Variants in ARID4B observed in about 807,000 individuals in gnomAD.
ARID4B encodes AT-rich interactive domain-containing protein 4B.
ARID4B carries 26 observed loss-of-function variants against 147.5 expected under a neutral mutation model. The ratio of observed to expected loss-of-function variants is 0.18; its 90% CI spans 0.13 to 0.24. ARID4B has a LOEUF of 0.24. Among genes scored for constraint, ARID4B ranks in the 10% least tolerant of loss-of-function variants. The pLI is 1.00. For synonymous variants in ARID4B, 512 were observed against 507.9 expected, an observed-to-expected ratio of 1.01 and a Z score of -0.11; for missense variants, 1,179 against 1,511.5, an observed-to-expected ratio of 0.78 and a Z score of 3.65.
chr1:235,203,886 T>C (rs531800923), intron 17 of ARID4B, among the ~76,000 whole-genome samples: 13 of 152,316 alleles, frequency 8.5e-5, no homozygotes, highest in Non-Finnish European at 1.8e-4. Flanking sequence ...TTACCTACTT[T>C]ATGAATTTTA....
intron 8 of ARID4B, among the ~76,000 whole-genome samples, chr1:235,236,833 A>AAATATATATATATATATATATAT (rs1175189621): frequency 3.0e-5 from 1 of 33,522 alleles, no homozygotes; most frequent in Non-Finnish European, 4.7e-5. Context: ...TTTTATAAAA[A>AAATATATATATATATATATATAT]ATATATATAT....
intron 6 of ARID4B, among the ~76,000 whole-genome samples, chr1:235,252,493 C>T (rs1394247390): frequency 6.6e-6 from 1 of 151,972 alleles, no homozygotes; most frequent in African/African-American, 2.4e-5. Flanking sequence ...ATAATTAAAG[C>T]CCATTGTATT....
At position 235,224,953 on chromosome 1, in the gene ARID4B, A is replaced by T. The variant is rs368387250; in HGVS notation, c.898-178T>A. On this transcript the variant is annotated intron_variant, in intron 11 of 23. Transcript: ENST00000264183. ...AAAACCAGGTAAGTCTAGACATTTT[A>T]TGTTTTATAGAGGAATATGCCTTAA... Among the ~76,000 whole-genome samples the T allele has an allele frequency of 1.4e-4, 21 of 152,326 alleles. No individual in the cohort carries two copies. In the East Asian group the frequency reaches 3.3e-3, roughly 24 times the overall value.
intron 2 of ARID4B, among the ~76,000 whole-genome samples, chr1:235,288,742 G>A (rs1194120350): frequency 2.0e-5 from 3 of 152,294 alleles, no homozygotes; most frequent in South Asian, 4.1e-4. Flanking sequence ...TCAAAAGGGA[G>A]CACAAAGAAC....
Position 235,182,800 on chromosome 1 carries a change from A to G in ARID4B, c.2126-7T>C, listed in dbSNP as rs1664407411. 2.6e-6 allele frequency: 4 copies of G among 1,568,362 alleles called. No individual in the cohort carries two copies. Among genetic ancestry groups the G allele is most frequent in the Non-Finnish European group, 8.6e-7 (1 of 1,162,830 alleles). On this transcript the variant is annotated splice_region_variant and splice_polypyrimidine_tract_variant and intron_variant, in intron 19 of 23. Transcript: ENST00000264183. Reference sequence around the variant, plus strand: ...TCAGCAGAACTTTCAGAAGCTAGAAAATAACAGAAAAAAAAATGATGAGTA... The same window carrying G: ...TCAGCAGAACTTTCAGAAGCTAGAAGATAACAGAAAAAAAAATGATGAGTA...
rs777419999 is a variant in ARID4B, at chr1:235,172,706, T to C, written c.3723A>G (p.Gln1241=). The C allele has an allele frequency of 1.9e-6, 3 of 1,607,460 alleles. No individual in the cohort carries two copies. Among genetic ancestry groups the C allele is most frequent in the East Asian group, 2.2e-5 (1 of 44,526 alleles). The change falls in exon 23 of 24, where the codon CAA becomes CAG. Residue 1241 remains glutamine, a synonymous_variant. Coordinates refer to ENST00000264183, the MANE Select transcript of ARID4B (RefSeq NM_016374.6). ...ERITILQEKL[Q]EIRKHYLSLK... ...ATGACAGATAATGTTTTCTGATTTCTTGAAGTTTTTCTTGAAGAATTGTGA... is the reference window on the plus strand; with the variant it reads ...ATGACAGATAATGTTTTCTGATTTCCTGAAGTTTTTCTTGAAGAATTGTGA...
intron 11 of ARID4B, among the ~76,000 whole-genome samples, chr1:235,226,880 A>G (rs1272287909): frequency 2.6e-5 from 4 of 151,512 alleles, no homozygotes. Flanking sequence ...TGTTGGCCAG[A>G]CTGGTCTCAA....
chr1:235,266,691 A>T (rs1410662200), intron 2 of ARID4B, among the ~76,000 whole-genome samples: 1 of 152,248 alleles, frequency 6.6e-6, no homozygotes, highest in Non-Finnish European at 1.5e-5. Flanking sequence ...AAGGAAGCAC[A>T]GAAGTGCACA....
chr1:235,167,522 A>G lies in ARID4B; in HGVS notation c.*1003T>C, dbSNP rs911534249. ...TATAGGCCTACCACCCCCATTAGCT[A>G]TTTATATTTAAAATAACCACCATCC... On this transcript the variant is annotated 3_prime_UTR_variant, in exon 24 of 24. Coordinates refer to ENST00000264183, the MANE Select transcript of ARID4B (RefSeq NM_016374.6). The G allele has an allele frequency of 1.8e-5, 4 of 221,782 alleles. No individual in the cohort carries two copies. The highest frequency in any genetic ancestry group is 8.9e-5 in the African/African-American group (4 of 44,694). 13.7% of individuals were successfully genotyped at this position (221,782 alleles called of 1,614,324 possible).
chr1:235,208,091 A>G (rs1390117844), intron 17 of ARID4B, among the ~76,000 whole-genome samples: 4 of 152,224 alleles, frequency 2.6e-5, no homozygotes, highest in Non-Finnish European at 5.9e-5. Flanking sequence ...TGATTACAGA[A>G]AGCCAAGTTG....
chr1:235,193,123 T>C (rs1042859285), intron 19 of ARID4B, among the ~76,000 whole-genome samples: 2 of 148,220 alleles, frequency 1.3e-5, no homozygotes, highest in Non-Finnish European at 3.0e-5. Context: ...TCAGTCCAGG[T>C]GCAGTGGCTC....
rs1306794103 is a variant in ARID4B, at chr1:235,220,457, T to C, written c.1252A>G (p.Lys418Glu). 1 of 1,612,946 alleles carries C rather than the reference T, an allele frequency of 6.2e-7. No individual in the cohort carries two copies. Among genetic ancestry groups the C allele is most frequent in the Admixed American group, 1.7e-5 (1 of 60,004 alleles). Reference sequence around the variant, plus strand: ...ATTTCTTTTACATTTTCACACTCCTTACATTGCTTGTTAACAACTTTCTCT... The same window carrying C: ...ATTTCTTTTACATTTTCACACTCCTCACATTGCTTGTTAACAACTTTCTCT... ...LPEKVVNKQC[K>E]ECENVKEIKV... is the part of the protein sequence containing the mutation. Residue 418 changes from lysine (K) to glutamate (E), a missense_variant, in exon 15 of 24, where the codon AAG becomes GAG. Physicochemically the swap from Lys to Glu is moderately conservative, Grantham distance 56. This residue lies in a region of ARID4B where 204 missense variants were observed against 210.9 expected (regional missense o/e 0.97). Coordinates refer to ENST00000264183, the MANE Select transcript of ARID4B (RefSeq NM_016374.6).
At chr1:235,209,808 C>G (rs1386437966) in intron 17 of ARID4B, among the ~76,000 whole-genome samples, 1 of 152,088 alleles carries the variant, frequency 6.6e-6, no homozygotes, top group Non-Finnish European at 1.5e-5. Context: ...AGGTGATCTG[C>G]CCGCCTCGGC....
chr1:235,323,442 T>C (rs1406720740), intron 2 of ARID4B, among the ~76,000 whole-genome samples: 1 of 152,026 alleles, frequency 6.6e-6, no homozygotes, highest in Non-Finnish European at 1.5e-5. Context: ...TAAAAGACGT[T>C]AATAACATGT....
intron 3 of ARID4B, among the ~76,000 whole-genome samples, chr1:235,257,470 ATT>A (rs759583270): frequency 2.8e-5 from 4 of 144,526 alleles, no homozygotes; most frequent in Non-Finnish European, 1.5e-5. Flanking sequence ...TCCACATGTC[ATT>A]TTTTTTTTTT....
intron 10 of ARID4B, among the ~76,000 whole-genome samples, chr1:235,230,732 G>A (rs1338108061): frequency 6.6e-6 from 1 of 151,870 alleles, no homozygotes; most frequent in South Asian, 2.1e-4. Context: ...GACCGGCCTG[G>A]GCAACACGGT....
chr1:235,171,141 C>T (rs935417670), intron 23 of ARID4B, among the ~76,000 whole-genome samples: 6 of 151,920 alleles, frequency 3.9e-5, no homozygotes, highest in Admixed American at 3.9e-4. Flanking sequence ...AAGAATGATA[C>T]CTTATTTGGG....
intron 11 of ARID4B, among the ~76,000 whole-genome samples, chr1:235,226,739 G>C (rs1321955265): frequency 6.6e-6 from 1 of 152,154 alleles, no homozygotes; most frequent in Non-Finnish European, 1.5e-5. Flanking sequence ...AGCCAGGATG[G>C]TCTCGATCTC....
chr1:235,262,654 G>A (rs1670362307), intron 2 of ARID4B, among the ~76,000 whole-genome samples: 1 of 152,022 alleles, frequency 6.6e-6, no homozygotes, highest in Admixed American at 6.6e-5. Context: ...TATGAAAAGG[G>A]ACTCACACCA....
Sources: allele counts gnomAD v4.1 joint callset (sites outside exome capture counted in the v4.1 genomes callset), GRCh38; gene constraint gnomAD v4.1.1; regional missense constraint gnomAD v4.1.1; transcripts MANE v1.5; gene names NCBI Gene and HGNC (gene_info 2026-07-23, HGNC 2026-07-21).